The following SLC24A2 variants were observed in gnomAD, a reference collection of about 807,000 sequenced individuals.
The protein encoded by SLC24A2 is solute carrier family 24 member 2, also known as sodium/potassium/calcium exchanger 2.
A neutral mutation model predicts 62.0 loss-of-function variants in SLC24A2; 36 were observed. That is an observed-to-expected ratio of 0.58 (90% confidence interval 0.44 to 0.77). SLC24A2 has a LOEUF of 0.77. SLC24A2 is among the 30% of genes least tolerant of loss of function. SLC24A2 has a pLI of 0.00. For synonymous variants in SLC24A2, 358 were observed against 294.0 expected (o/e 1.22, Z -2.23); for missense variants, 846 against 817.9 (o/e 1.03, Z -0.42).
intron 2 of SLC24A2, among the ~76,000 whole-genome samples, chr9:19,636,321 T>TTCTTTCTCTC (rs1564009738): frequency 4.1e-5 from 1 of 24,168 alleles, no homozygotes; most frequent in African/African-American, 1.8e-4. Flanking sequence ...TTTCTTTTCT[T>TTCTTTCTCTC]TCTTTCTTTC....
chr9:19,595,129 C>G (rs1488335333), intron 5 of SLC24A2, among the ~76,000 whole-genome samples: 2 of 152,214 alleles, frequency 1.3e-5, no homozygotes, highest in Non-Finnish European at 2.9e-5. Context: ...CTGGGAAACA[C>G]TGTCTACTCC....
At chr9:19,870,795 G>A in the SLC24A2 span, among the ~76,000 whole-genome samples, 1 of 152,156 alleles carries the variant, frequency 6.6e-6, no homozygotes, top group Non-Finnish European at 1.5e-5. Context: ...TTGGCCATTT[G>A]TATATCTACT....
chr9:19,958,435 A>C, the SLC24A2 span, among the ~76,000 whole-genome samples: 22 of 152,164 alleles, frequency 1.4e-4, no homozygotes, highest in African/African-American at 5.3e-4. Context: ...CTGCAACCCA[A>C]GCTCCACAGT....
At chr9:20,135,685 T>C in the SLC24A2 span, among the ~76,000 whole-genome samples, 1 of 152,208 alleles carries the variant, frequency 6.6e-6, no homozygotes, top group African/African-American at 2.4e-5. Context: ...TATAAACATG[T>C]GAATGAGGCT....
chr9:20,095,512 C>A, the SLC24A2 span, among the ~76,000 whole-genome samples: 1 of 152,176 alleles, frequency 6.6e-6, no homozygotes, highest in Non-Finnish European at 1.5e-5. Flanking sequence ...AAAATCTGAA[C>A]TTTCTCCACG....
At chr9:19,874,644 G>C in the SLC24A2 span, among the ~76,000 whole-genome samples, 2 of 152,102 alleles carry the variant, frequency 1.3e-5, no homozygotes, top group Non-Finnish European at 2.9e-5. Flanking sequence ...ATCTCTCTTT[G>C]CCAGACAAGG....
chr9:19,829,836 C>T, the SLC24A2 span, among the ~76,000 whole-genome samples: 2 of 123,060 alleles, frequency 1.6e-5, no homozygotes, highest in Non-Finnish European at 3.4e-5. Context: ...CACACACACA[C>T]ACACATATAT....
rs1355086077 is a variant in SLC24A2, at chr9:19,511,537, CTTA to C, written c.*4613_*4615del. On this transcript the variant is annotated 3_prime_UTR_variant, in exon 11 of 11. Transcript: ENST00000341998. The stretch of plus-strand genomic sequence containing the variant: ...ATTAATATCTCCTTTCTTCCCTTTC[CTTA>C]TTATTCTATTTTTTCTCCTACCCCT... The C allele has an allele frequency of 6.6e-6, 1 of 152,074 alleles. No homozygotes were observed. Among genetic ancestry groups the C allele is most frequent in the Non-Finnish European group, 1.5e-5 (1 of 68,004 alleles). 9.4% of individuals were successfully genotyped at this position (152,074 alleles called of 1,614,324 possible). A position where few individuals can be genotyped will look rare whatever the true frequency, so the allele number is the denominator to read the frequency against.
intron 2 of SLC24A2, among the ~76,000 whole-genome samples, chr9:19,645,914 G>C (rs144677826): frequency 9.3e-4 from 142 of 152,334 alleles, no homozygotes; most frequent in African/African-American, 3.2e-3. Context: ...CACTGGACCT[G>C]GGTCAGATGA....
the SLC24A2 span, among the ~76,000 whole-genome samples, chr9:19,963,663 A>G: frequency 2.0e-5 from 3 of 152,232 alleles, no homozygotes; most frequent in African/African-American, 7.2e-5. Context: ...TCAAAACCAC[A>G]GTGAGATACC....
At chr9:20,117,428 T>C in the SLC24A2 span, among the ~76,000 whole-genome samples, 2 of 152,156 alleles carry the variant, frequency 1.3e-5, no homozygotes, top group Non-Finnish European at 2.9e-5. Context: ...AGCCTAGCTA[T>C]GTCTTTACTA....
the SLC24A2 span, among the ~76,000 whole-genome samples, chr9:20,032,121 T>C: frequency 1.7e-4 from 26 of 152,204 alleles, no homozygotes; most frequent in Admixed American, 8.5e-4. Context: ...GCCTTCTATC[T>C]TATCAGGTTC....
At chr9:19,583,378 T>C (rs1836263651) in intron 5 of SLC24A2, among the ~76,000 whole-genome samples, 1 of 152,218 alleles carries the variant, frequency 6.6e-6, no homozygotes, top group African/African-American at 2.4e-5. Flanking sequence ...GCATTTCTTA[T>C]CCCAGGTTTA....
the SLC24A2 span, among the ~76,000 whole-genome samples, chr9:19,922,408 C>G: frequency 3.3e-5 from 5 of 152,108 alleles, no homozygotes; most frequent in Non-Finnish European, 7.4e-5. Flanking sequence ...TCTTTTTATG[C>G]ACCCTATTTA....
At chr9:19,912,602 A>T in the SLC24A2 span, among the ~76,000 whole-genome samples, 1 of 152,078 alleles carries the variant, frequency 6.6e-6, no homozygotes, top group Admixed American at 6.6e-5. Context: ...ATTTCTTGCT[A>T]TTCCTCCCAG....
At chr9:19,736,400 C>T (rs1000201156) in intron 2 of SLC24A2, among the ~76,000 whole-genome samples, 7 of 152,130 alleles carry the variant, frequency 4.6e-5, no homozygotes, top group African/African-American at 1.7e-4. Context: ...CAATCACCTG[C>T]AGCTTACAAG....
the SLC24A2 span, among the ~76,000 whole-genome samples, chr9:20,019,809 T>G: frequency 6.6e-6 from 1 of 151,542 alleles, no homozygotes; most frequent in African/African-American, 2.4e-5. Context: ...AGAAAATTGT[T>G]GCAATCTATC....
intron 2 of SLC24A2, 130 bp from the exon 3 acceptor site, chr9:19,622,429 T>G: frequency 1.1e-6 from 1 of 917,628 alleles, no homozygotes; most frequent in Non-Finnish European, 1.7e-6. Flanking sequence ...CTGGGATGAG[T>G]TAAGCCAAAA....
At chr9:19,705,160 T>G (rs1471519817) in intron 2 of SLC24A2, among the ~76,000 whole-genome samples, 1 of 152,190 alleles carries the variant, frequency 6.6e-6, no homozygotes, top group Non-Finnish European at 1.5e-5. Context: ...GCTGGGATAT[T>G]TAGGCAATGG....
Sources: gnomAD v4.1 joint callset for allele counts (sites outside exome capture counted in the v4.1 genomes callset) on GRCh38, gnomAD v4.1.1 for gene constraint, MANE v1.5 for transcripts, NCBI Gene and HGNC (gene_info 2026-07-23, HGNC 2026-07-21) for gene names.